EYS: variants seen among roughly 807,000 people sequenced by gnomAD.
EYS encodes protein eyes shut homolog.
A neutral mutation model predicts 282.1 loss-of-function variants in EYS; 250 were observed. The observed-to-expected ratio is 0.89, with a 90% confidence interval of 0.80 to 0.98. The LOEUF (loss-of-function observed/expected upper bound fraction) is 0.98. Ranked by LOEUF, EYS falls within the 50% of genes least tolerant of loss-of-function variation. The pLI, the probability that EYS is intolerant of heterozygous loss-of-function variation, is 0.00. For synonymous variants in EYS, 1,355 were observed against 1,282.9 expected (o/e 1.06, Z -1.20); for missense variants, 4,016 against 3,709.0 (o/e 1.08, Z -2.15).
chr6:65,244,704 A>G (rs910667958), intron 12 of EYS, among the ~76,000 whole-genome samples: 1 of 136,328 alleles, frequency 7.3e-6, no homozygotes, highest in African/African-American at 2.8e-5. Context: ...TTTTTTTTTT[A>G]GTAGAGACGG....
intron 31 of EYS, among the ~76,000 whole-genome samples, chr6:64,163,595 C>G (rs1008605962): frequency 6.6e-6 from 1 of 151,874 alleles, no homozygotes; most frequent in African/African-American, 2.4e-5. Flanking sequence ...AAAAAAATAA[C>G]CGTTTAGCTA....
At chr6:64,535,779 A>G (rs191203985) in intron 26 of EYS, among the ~76,000 whole-genome samples, 1 of 152,078 alleles carries the variant, frequency 6.6e-6, no homozygotes, top group African/African-American at 2.4e-5. Context: ...TAAATTCATT[A>G]AAACATTGAC....
chr6:65,183,172 G>A (rs1765434093), intron 12 of EYS, among the ~76,000 whole-genome samples: 2 of 151,894 alleles, frequency 1.3e-5, no homozygotes, highest in Non-Finnish European at 2.9e-5. Context: ...GAGAAATAAA[G>A]GACAGTATTT....
At chr6:65,472,173 G>T (rs1022688706) in intron 5 of EYS, among the ~76,000 whole-genome samples, 4 of 152,044 alleles carry the variant, frequency 2.6e-5, no homozygotes, top group African/African-American at 9.7e-5. Context: ...CGAAATCATA[G>T]AGTTGGAAGA....
chr6:65,036,001 C>A (rs576440859), intron 13 of EYS, among the ~76,000 whole-genome samples: 1 of 146,312 alleles, frequency 6.8e-6, no homozygotes, highest in Non-Finnish European at 1.5e-5. Flanking sequence ...TATATGGAAC[C>A]AAAAAGAGCC....
At chr6:65,017,599 GCTTTT>G (rs1309699740) in intron 13 of EYS, among the ~76,000 whole-genome samples, 1 of 152,128 alleles carries the variant, frequency 6.6e-6, no homozygotes, top group Non-Finnish European at 1.5e-5. Context: ...GGACCCTGGT[GCTTTT>G]CTTTTGAGCG....
intron 2 of EYS, among the ~76,000 whole-genome samples, chr6:65,502,019 G>T (rs1239371625): frequency 6.6e-6 from 1 of 151,218 alleles, no homozygotes; most frequent in Non-Finnish European, 1.5e-5. Flanking sequence ...ATAGATTATT[G>T]ATTTTTTAAA....
intron 36 of EYS, among the ~76,000 whole-genome samples, chr6:63,853,847 G>A (rs1231057472): frequency 6.6e-6 from 1 of 152,180 alleles, no homozygotes; most frequent in East Asian, 1.9e-4. Flanking sequence ...ATAACCATCT[G>A]ATCTTTGACA....
intron 13 of EYS, among the ~76,000 whole-genome samples, chr6:65,016,623 T>A (rs1772061616): frequency 2.0e-5 from 3 of 152,166 alleles, no homozygotes; most frequent in South Asian, 4.1e-4. Context: ...TGAAATCCAC[T>A]ATAAAGTTAA....
chr6:65,374,726 C>T (rs536901746), intron 8 of EYS, among the ~76,000 whole-genome samples: 40 of 152,136 alleles, frequency 2.6e-4, no homozygotes, highest in African/African-American at 8.2e-4. Context: ...ATGGGGTATC[C>T]GCCTTTACTG....
intron 30 of EYS, among the ~76,000 whole-genome samples, chr6:64,296,583 TAC>T (rs1285397504): frequency 0.075 from 561 of 7,450 alleles, 17 homozygotes; most frequent in African/African-American, 0.19. Context: ...TATATATATA[TAC>T]ATATATATAT....
intron 18 of EYS, 132 bp downstream of exon 18, chr6:64,901,981 G>T: frequency 1.6e-6 from 1 of 610,830 alleles, no homozygotes; most frequent in Non-Finnish European, 2.8e-6. Context: ...GACAAATGAG[G>T]ATGTGCTGGT....
intron 26 of EYS, among the ~76,000 whole-genome samples, chr6:64,488,089 A>C (rs1242375508): frequency 6.6e-6 from 1 of 151,090 alleles, no homozygotes. Flanking sequence ...TTTGGTTTTA[A>C]ATACATGAAA....
At chr6:65,370,884 A>T (rs1765117904) in intron 8 of EYS, among the ~76,000 whole-genome samples, 1 of 151,982 alleles carries the variant, frequency 6.6e-6, no homozygotes, top group Non-Finnish European at 1.5e-5. Context: ...TAAAGAAACA[A>T]ATATATCTTT....
intron 5 of EYS, among the ~76,000 whole-genome samples, chr6:65,416,585 TA>T (rs1179451432): frequency 3.3e-5 from 5 of 151,976 alleles, no homozygotes; most frequent in African/African-American, 4.8e-5. Context: ...CATATATCCA[TA>T]AAAAAATCAC....
At chr6:65,085,738 C>T (rs1774347427) in intron 12 of EYS, among the ~76,000 whole-genome samples, 1 of 152,154 alleles carries the variant, frequency 6.6e-6, no homozygotes. Context: ...TCTCATCCAT[C>T]TGCCTTTCCA....
intron 31 of EYS, among the ~76,000 whole-genome samples, chr6:64,187,393 T>C (rs1262185105): frequency 2.0e-5 from 3 of 152,164 alleles, no homozygotes; most frequent in African/African-American, 7.2e-5. Flanking sequence ...AATTAAATTG[T>C]ATCTATTCTA....
chr6:64,836,074 C>T (rs1054344304), intron 19 of EYS, among the ~76,000 whole-genome samples: 5 of 149,080 alleles, frequency 3.4e-5, no homozygotes, highest in Non-Finnish European at 7.4e-5. Context: ...ATCTCATAAT[C>T]GTAATTTTTA....
intron 12 of EYS, among the ~76,000 whole-genome samples, chr6:65,240,667 T>G (rs1767035728): frequency 1.3e-5 from 2 of 152,220 alleles, no homozygotes; most frequent in African/African-American, 2.4e-5. Context: ...CACCACATTT[T>G]TTTATCCAGT....
Sources: allele counts gnomAD v4.1 joint callset (sites outside exome capture counted in the v4.1 genomes callset), GRCh38; gene constraint gnomAD v4.1.1; transcripts MANE v1.5; gene names NCBI Gene and HGNC (gene_info 2026-07-23, HGNC 2026-07-21).